Variants in NCKAP5 observed in about 807,000 individuals in gnomAD.
NCKAP5 encodes NCK associated protein 5.
NCKAP5 carries 92 observed loss-of-function variants against 167.0 expected under a neutral mutation model. The observed-to-expected ratio is 0.55, with a 90% CI of 0.47 to 0.66. The LOEUF (loss-of-function observed/expected upper bound fraction) is 0.66. Among genes scored for constraint, NCKAP5 ranks in the 30% least tolerant of loss-of-function variants. The pLI is 0.00. For synonymous variants in NCKAP5, 891 were observed against 877.4 expected, an observed-to-expected ratio of 1.02 and a Z score of -0.27; for missense variants, 2,378 against 2,315.0, an observed-to-expected ratio of 1.03 and a Z score of -0.56.
chr2:132,773,744 G>T, intron 16 of NCKAP5, 72 bp downstream of exon 16: 1 of 1,212,810 alleles, frequency 8.2e-7, no homozygotes, highest in South Asian at 1.3e-5. Context: ...CTCTAGGAAT[G>T]TACCATATCT....
chr2:133,575,607 C>T, the NCKAP5 span, among the ~76,000 whole-genome samples: 4 of 152,064 alleles, frequency 2.6e-5, no homozygotes, highest in Non-Finnish European at 5.9e-5. Context: ...AGTAAGGAGG[C>T]TTTTGAGTGT....
At chr2:133,351,234 A>T (rs1018691999) in intron 3 of NCKAP5, among the ~76,000 whole-genome samples, 12 of 152,290 alleles carry the variant, frequency 7.9e-5, no homozygotes, top group Admixed American at 2.6e-4. Flanking sequence ...AAGGAAAAAA[A>T]AAATAAAAAC....
At chr2:132,920,192 G>A (rs1695203998) in intron 8 of NCKAP5, among the ~76,000 whole-genome samples, 1 of 151,876 alleles carries the variant, frequency 6.6e-6, no homozygotes, top group African/African-American at 2.4e-5. Context: ...GAAGTTTTGT[G>A]TGATGTATCT....
intron 4 of NCKAP5, among the ~76,000 whole-genome samples, chr2:133,294,998 CT>C (rs1404538032): frequency 1.3e-5 from 2 of 152,134 alleles, no homozygotes; most frequent in African/African-American, 4.8e-5. Context: ...AGAGTTAAGT[CT>C]TTTACTTGGG....
chr2:133,289,907 T>G (rs1292138745), intron 4 of NCKAP5, among the ~76,000 whole-genome samples: 3 of 152,010 alleles, frequency 2.0e-5, no homozygotes, highest in Non-Finnish European at 1.5e-5. Flanking sequence ...CAAGCAAAGG[T>G]GGAGGTGCTA....
intron 3 of NCKAP5, among the ~76,000 whole-genome samples, chr2:133,362,474 T>C (rs1685177989): frequency 6.6e-6 from 1 of 152,200 alleles, no homozygotes; most frequent in African/African-American, 2.4e-5. Context: ...TTAGAACATG[T>C]CAGGAGTTTT....
chr2:133,054,568 G>A (rs994859681), intron 6 of NCKAP5, among the ~76,000 whole-genome samples: 13 of 152,320 alleles, frequency 8.5e-5, no homozygotes, highest in African/African-American at 2.6e-4. Context: ...GCTGGCTAAT[G>A]TCCTAGGGGA....
chr2:133,427,794 G>C (rs189878607), intron 3 of NCKAP5, among the ~76,000 whole-genome samples: 1 of 151,964 alleles, frequency 6.6e-6, no homozygotes, highest in East Asian at 1.9e-4. Context: ...AATACATCAA[G>C]ATCACTGGAA....
chr2:133,220,008 C>A (rs2086594488), intron 4 of NCKAP5, among the ~76,000 whole-genome samples: 1 of 152,150 alleles, frequency 6.6e-6, no homozygotes, highest in Non-Finnish European at 1.5e-5. Context: ...CCAATTGGGA[C>A]TAGTATCTTT....
chr2:133,106,790 A>G (rs2149701086), intron 6 of NCKAP5, among the ~76,000 whole-genome samples: 2 of 152,338 alleles, frequency 1.3e-5, no homozygotes, highest in South Asian at 2.1e-4. Flanking sequence ...GACTCATAAA[A>G]TGTTATAGCG....
chr2:133,263,892 G>C (rs2089045940), intron 4 of NCKAP5, among the ~76,000 whole-genome samples: 1 of 152,130 alleles, frequency 6.6e-6, no homozygotes, highest in Non-Finnish European at 1.5e-5. Context: ...ATATATGCTA[G>C]AAACTTGCGG....
chr2:132,965,099 T>C (rs1558997622), intron 7 of NCKAP5, among the ~76,000 whole-genome samples: 1 of 152,224 alleles, frequency 6.6e-6, no homozygotes, highest in African/African-American at 2.4e-5. Context: ...AATTCATCCA[T>C]GTGAACCTGT....
chr2:133,291,413 C>T (rs1229289178), intron 4 of NCKAP5, among the ~76,000 whole-genome samples: 2 of 152,212 alleles, frequency 1.3e-5, no homozygotes, highest in East Asian at 1.9e-4. Flanking sequence ...GCATTGTCCT[C>T]GTCAACAGGA....
chr2:132,734,910 A>C (rs762684213), intron 16 of NCKAP5, among the ~76,000 whole-genome samples: 74 of 152,342 alleles, frequency 4.9e-4, no homozygotes, highest in Middle Eastern at 3.4e-3. Context: ...CCACGTGAGC[A>C]GAAGCCTCAC....
intron 4 of NCKAP5, among the ~76,000 whole-genome samples, chr2:133,233,472 T>C (rs1437005926): frequency 2.0e-5 from 3 of 152,160 alleles, no homozygotes; most frequent in Non-Finnish European, 4.4e-5. Flanking sequence ...TTTTCACAAG[T>C]CCGAGTTTAT....
chr2:132,904,316 ATAAATAAAAATAAT>A (rs1208765968), intron 8 of NCKAP5, among the ~76,000 whole-genome samples: 8 of 150,146 alleles, frequency 5.3e-5, no homozygotes, highest in East Asian at 1.9e-4. Flanking sequence ...TAAATAAATA[ATAAATAAAAATAAT>A]TAAATAAAAA....
rs779586281 is a variant in NCKAP5, at chr2:133,534,601, G to C, written c.-61-17014C>G. Among the ~76,000 whole-genome samples, 13 of 152,116 alleles carry C rather than the reference G, an allele frequency of 8.5e-5. 1 individual carries two copies. The highest frequency in any genetic ancestry group is 1.9e-4 in the Non-Finnish European group (13 of 68,038). The stretch of plus-strand genomic sequence containing the variant: ...TAGAATCATGATAAGTAATCTTTGT[G>C]ACTAACTTCTTCCACTTCGCATCAT... On this transcript the variant is annotated intron_variant, in intron 2 of 19. Transcript: ENST00000409261.
intron 2 of NCKAP5, among the ~76,000 whole-genome samples, chr2:133,526,177 A>G (rs1409848616): frequency 1.8e-5 from 2 of 109,958 alleles, no homozygotes; most frequent in Admixed American, 1.9e-4. Context: ...GGAAGGAAGG[A>G]AGGAAGGAAG....
At chr2:133,668,679 T>C in the NCKAP5 span, among the ~76,000 whole-genome samples, 89 of 150,588 alleles carry the variant, frequency 5.9e-4, no homozygotes, top group Non-Finnish European at 9.8e-4. Flanking sequence ...CTAAATATTC[T>C]AGTTAAATAA....
Sources: gnomAD v4.1 joint callset for allele counts (sites outside exome capture counted in the v4.1 genomes callset) on GRCh38, gnomAD v4.1.1 for gene constraint, MANE v1.5 for transcripts, NCBI Gene and HGNC (gene_info 2026-07-23, HGNC 2026-07-21) for gene names.